ATP11A: variants seen among roughly 807,000 people sequenced by gnomAD.
ATP11A encodes the protein phospholipid-transporting ATPase IH.
Under a neutral mutation model 154.4 loss-of-function variants are expected in ATP11A, and 81 were observed. That is an observed-to-expected ratio of 0.52 (90% CI 0.44 to 0.63). The LOEUF is 0.63. ATP11A is among the 30% of genes least tolerant of loss of function. The pLI is 0.00. For synonymous variants in ATP11A, 623 were observed against 585.9 expected (o/e 1.06, Z -0.91); for missense variants, 1,316 against 1,474.3 (o/e 0.89, Z 1.76).
chr13:112,768,105 T>G (rs2077139387), intron 1 of ATP11A, among the ~76,000 whole-genome samples: 1 of 152,234 alleles, frequency 6.6e-6, no homozygotes, highest in Non-Finnish European at 1.5e-5. Flanking sequence ...TGTTTGCTTC[T>G]GGGAATTTCC....
chr13:112,826,774 C>T lies in ATP11A; in HGVS notation c.1104C>T (p.Val368=), dbSNP rs144248225. Residue 368 remains valine (V), a synonymous_variant, in exon 12 of 30, where the codon GTC becomes GTT. Coordinates refer to ENST00000375645, the MANE Select transcript of ATP11A (RefSeq NM_015205.3). ...TCCCTGTGTCCATGTACGTCACGGTCGAGATGCAGAAGTTCCTCGGCTCTT... is the reference window on the plus strand; with the variant it reads ...TCCCTGTGTCCATGTACGTCACGGTTGAGATGCAGAAGTTCCTCGGCTCTT... ...YIIPVSMYVT[V]EMQKFLGSYF... 0.011 allele frequency: 18,470 copies of T among 1,614,108 alleles called. 150 individuals carry two copies. Among genetic ancestry groups the T allele is most frequent in the Non-Finnish European group, 0.014 (16,357 of 1,180,020 alleles).
intron 4 of ATP11A, among the ~76,000 whole-genome samples, chr13:112,808,338 G>C (rs1038649923): frequency 6.6e-6 from 1 of 151,948 alleles, no homozygotes. Context: ...TGCAGTTCTG[G>C]GCCCCATCAC....
chr13:112,765,937 C>T (rs1158780103), intron 1 of ATP11A, among the ~76,000 whole-genome samples: 1 of 152,270 alleles, frequency 6.6e-6, no homozygotes, highest in African/African-American at 2.4e-5. Flanking sequence ...CCGCGGCTTC[C>T]TTGCAGGCCG....
At chr13:112,862,687 C>T (rs373879805) in intron 25 of ATP11A, 112 bp downstream of exon 25, 21 of 1,420,250 alleles carry the variant, frequency 1.5e-5, no homozygotes, top group Middle Eastern at 1.9e-4. Context: ...AGCTTCCCAG[C>T]GGGGTCCATC....
At chr13:112,707,538 G>A (rs1381334905) in intron 1 of ATP11A, among the ~76,000 whole-genome samples, 2 of 151,994 alleles carry the variant, frequency 1.3e-5, no homozygotes, top group South Asian at 2.1e-4. Context: ...CATTGAAGCC[G>A]ATCCTCTTAA....
intron 16 of ATP11A, 57 bp downstream of exon 16, chr13:112,836,308 C>CCTG: frequency 9.4e-7 from 1 of 1,067,356 alleles, no homozygotes; most frequent in Non-Finnish European, 1.4e-6. Flanking sequence ...GTGTTTTATT[C>CCTG]TGATGACTAA....
At chr13:112,803,744 CCTT>C (rs1304646731) in intron 2 of ATP11A, among the ~76,000 whole-genome samples, 5 of 130,084 alleles carry the variant, frequency 3.8e-5, no homozygotes, top group African/African-American at 1.6e-4. Flanking sequence ...TCCTTCCCCT[CCTT>C]CTCTCATTCC....
intron 1 of ATP11A, among the ~76,000 whole-genome samples, chr13:112,736,775 CTAAAAT>C (rs1472598558): frequency 3.9e-5 from 6 of 152,134 alleles, no homozygotes; most frequent in African/African-American, 1.4e-4. Context: ...TACATTGAGA[CTAAAAT>C]TAAAATTAAA....
chr13:112,723,810 T>G lies in ATP11A; in HGVS notation c.39+33355T>G, dbSNP rs566103183. 4.6e-5 allele frequency among the ~76,000 whole-genome samples: 7 copies of G among 152,278 alleles called. 1 individual carries two copies. The South Asian group carries it at 1.5e-3, about 32-fold the overall frequency. On this transcript the variant is annotated intron_variant, in intron 1 of 29. Coordinates refer to ENST00000375645, the MANE Select transcript of ATP11A (RefSeq NM_015205.3). ...AATGTCTAGGCAGCTGACTGAAGGT[T>G]ATTTGATGAAGCCAAATGCCTGGAT...
rs142675907 is a variant in ATP11A at position 112,774,802 on chromosome 13, A to G, written c.40-10333A>G. ...CAGGTCTGAATGAACGCTCTTTCCTATGGGCCTTTTCCTGTCACTGCCCTG... is the reference window on the plus strand; with the variant it reads ...CAGGTCTGAATGAACGCTCTTTCCTGTGGGCCTTTTCCTGTCACTGCCCTG... On this transcript the variant is annotated intron_variant, in intron 1 of 29. Coordinates refer to ENST00000375645, the MANE Select transcript of ATP11A (RefSeq NM_015205.3). Among the ~76,000 whole-genome samples, 31 of 152,332 alleles carry G rather than the reference A, an allele frequency of 2.0e-4. No homozygotes were observed. The East Asian group carries it at 3.3e-3, about 16-fold the overall frequency.
chr13:112,740,478 C>A (rs1175605470), intron 1 of ATP11A, among the ~76,000 whole-genome samples: 2 of 152,144 alleles, frequency 1.3e-5, no homozygotes, highest in South Asian at 2.1e-4. Context: ...CGGCCCAAAT[C>A]TTTCTTAAGT....
chr13:112,741,941 C>T (rs1435982386), intron 1 of ATP11A, among the ~76,000 whole-genome samples: 1 of 152,052 alleles, frequency 6.6e-6, no homozygotes, highest in Non-Finnish European at 1.5e-5. Flanking sequence ...GCTCCCCTTC[C>T]CCACGGAAGA....
intron 29 of ATP11A, 23 bp downstream of exon 29, chr13:112,878,326 G>A (rs749788319): frequency 1.5e-5 from 24 of 1,611,452 alleles, no homozygotes; most frequent in African/African-American, 9.3e-5. Context: ...TGCCTTCCAC[G>A]CACCTGGGAT....
chr13:112,878,741 G>A (rs189048000), intron 29 of ATP11A, among the ~76,000 whole-genome samples: 34 of 152,276 alleles, frequency 2.2e-4, no homozygotes, highest in African/African-American at 5.3e-4. Context: ...CCTCCCTCAC[G>A]CACCCACTTC....
At position 112,753,379 on chromosome 13, in the gene ATP11A, G is replaced by C. The variant is rs2076741870; in HGVS notation, c.40-31756G>C. On this transcript the variant is annotated intron_variant, in intron 1 of 29. Transcript: ENST00000375645. The surrounding 1 kb of genome is among the most constrained non-coding windows in gnomAD (Gnocchi z 4.1). The stretch of plus-strand genomic sequence containing the variant: ...TTTGGAGAAGGGAGATTTCTGAGAA[G>C]GGGGGTACGTTTGCGGTTTGCTCTG... Among the ~76,000 whole-genome samples the C allele has an allele frequency of 6.6e-6, 1 of 152,230 alleles. No individual in the cohort carries two copies. The highest frequency in any genetic ancestry group is 1.9e-4 in the East Asian group (1 of 5,202).
rs2080935852 is a variant in ATP11A, at chr13:112,883,928, T to C, written c.*2062T>C. ...TTAACAAATTATTTGTAATGTATTT[T>C]TTTAGAAATCTTAAAATTGCCTTTG... is the stretch of plus-strand genomic sequence containing the variant. On this transcript the variant is annotated 3_prime_UTR_variant, in exon 30 of 30. Transcript: ENST00000375645. 1 of 152,666 alleles carries C rather than the reference T, an allele frequency of 6.6e-6. No homozygotes were observed. 9.5% of individuals were successfully genotyped at this position (152,666 alleles called of 1,614,324 possible).
intron 1 of ATP11A, among the ~76,000 whole-genome samples, chr13:112,781,383 T>A (rs2077495188): frequency 6.6e-6 from 1 of 152,196 alleles, no homozygotes. Context: ...ACAGTATGTC[T>A]GGCCCTGGAT....
At position 112,859,523 on chromosome 13, in the gene ATP11A, G is replaced by C. The variant is rs1451510246; in HGVS notation, c.2727+71G>C. ...CCTTCCCGCAGTGGGTGGCTGCTGT[G>C]GGGAGGGGAGACTTGGGAATGAGCA... On this transcript the variant is annotated intron_variant, in intron 23 of 29. Coordinates refer to ENST00000375645, the MANE Select transcript of ATP11A (RefSeq NM_015205.3). The surrounding 1 kb of genome is among the most constrained non-coding windows in gnomAD (Gnocchi z 4.3). The C allele has an allele frequency of 7.6e-7, 1 of 1,319,082 alleles. No homozygotes were observed. Among genetic ancestry groups the C allele is most frequent in the African/African-American group, 1.5e-5 (1 of 68,706 alleles). The allele number at this position is 1,319,082 out of a possible 1,614,324, so 81.7% of individuals were successfully genotyped here. A position where few individuals can be genotyped will look rare whatever the true frequency, so the allele number is the denominator to read the frequency against.
chr13:112,841,996 T>A (rs2079434713), intron 16 of ATP11A, among the ~76,000 whole-genome samples: 1 of 152,236 alleles, frequency 6.6e-6, no homozygotes, highest in Admixed American at 6.5e-5. Context: ...CCCTTTCGTG[T>A]CTTTCCCAGA....
Sources: gnomAD v4.1 joint callset for allele counts (sites outside exome capture counted in the v4.1 genomes callset) on GRCh38, gnomAD v4.1.1 for gene constraint, Gnocchi (gnomAD v3.1) non-coding constraint, MANE v1.5 for transcripts, NCBI Gene and HGNC (gene_info 2026-07-23, HGNC 2026-07-21) for gene names.